The following RIGI variants were observed in gnomAD, a reference collection of about 807,000 sequenced individuals.
RIGI encodes antiviral innate immune response receptor RIG-I.
chr9:32,465,358 T>C, the RIGI span, among the ~76,000 whole-genome samples: 1 of 152,120 alleles, frequency 6.6e-6, no homozygotes, highest in Non-Finnish European at 1.5e-5. Context: ...TGGTCAATAC[T>C]TTTTGGAGCA....
the RIGI span, chr9:32,480,454 C>T: frequency 8.2e-7 from 1 of 1,221,516 alleles, no homozygotes; most frequent in South Asian, 2.2e-5. Flanking sequence ...TTTAAGAAAA[C>T]TTTTCTTTTC....
chr9:32,477,023 G>T, the RIGI span: 1 of 1,614,100 alleles, frequency 6.2e-7, no homozygotes, highest in Non-Finnish European at 8.5e-7. Context: ...AATTGTTATT[G>T]TCTCTGGGTT....
chr9:32,456,933 A>G, the RIGI span: 1 of 563,172 alleles, frequency 1.8e-6, no homozygotes, highest in Non-Finnish European at 3.1e-6. Flanking sequence ...CTGTTGGCCT[A>G]CAAAATACTC....
the RIGI span, among the ~76,000 whole-genome samples, chr9:32,476,646 CTTTTTT>C: frequency 7.2e-6 from 1 of 138,634 alleles, no homozygotes; most frequent in Non-Finnish European, 1.6e-5. Flanking sequence ...GAGAAAACGG[CTTTTTT>C]TTTTTTTTTA....
the RIGI span, chr9:32,481,502 TAAA>T: frequency 2.5e-4 from 343 of 1,345,268 alleles, no homozygotes; most frequent in African/African-American, 1.1e-3. Context: ...AGTTTTCTGT[TAAA>T]AAAAAAAAAA....
the RIGI span, chr9:32,480,355 C>A: frequency 6.3e-7 from 1 of 1,580,576 alleles, no homozygotes; most frequent in South Asian, 1.1e-5. Context: ...CATTATATTT[C>A]TGTTGAAAGT....
the RIGI span, among the ~76,000 whole-genome samples, chr9:32,512,777 A>G: frequency 6.6e-6 from 1 of 152,176 alleles, no homozygotes; most frequent in Non-Finnish European, 1.5e-5. Context: ...AGAAAGTCCA[A>G]TTGTCCCTGT....
At chr9:32,478,041 G>GTTTTTTTTTTTTTTT in the RIGI span, among the ~76,000 whole-genome samples, 1 of 151,364 alleles carries the variant, frequency 6.6e-6, no homozygotes, top group African/African-American at 2.5e-5. Context: ...TGTTTTATCG[G>GTTTTTTTTTTTTTTT]TTTTTGTTTT....
At chr9:32,502,271 T>G in the RIGI span, among the ~76,000 whole-genome samples, 20,296 of 152,264 alleles carry the variant, frequency 0.13, 1,418 homozygotes, top group Middle Eastern at 0.29. Context: ...GGGCATTTGA[T>G]TTGTGTCCAC....
the RIGI span, among the ~76,000 whole-genome samples, chr9:32,505,902 C>T: frequency 1.8e-4 from 28 of 152,228 alleles, no homozygotes; most frequent in Non-Finnish European, 3.2e-4. Context: ...AGTATAATTC[C>T]TCAGTTTAAC....
chr9:32,500,897 G>A, the RIGI span: 8 of 1,613,968 alleles, frequency 5.0e-6, no homozygotes, highest in Non-Finnish European at 5.9e-6. Context: ...AGCCTCCATT[G>A]GGCCCTTGTT....
At chr9:32,475,955 A>G in the RIGI span, among the ~76,000 whole-genome samples, 46 of 152,202 alleles carry the variant, frequency 3.0e-4, no homozygotes, top group Middle Eastern at 3.4e-3. Context: ...CTATAAAAAG[A>G]ATTCTCAAAA....
chr9:32,483,372 C>T, the RIGI span, among the ~76,000 whole-genome samples: 3 of 152,100 alleles, frequency 2.0e-5, no homozygotes, highest in African/African-American at 7.2e-5. Context: ...CTGATTGAAC[C>T]TGGGTAGGTG....
chr9:32,457,419 C>A, the RIGI span: 1 of 1,611,110 alleles, frequency 6.2e-7, no homozygotes, highest in Non-Finnish European at 8.5e-7. Context: ...AATGGCATTC[C>A]TACAGATGAA....
At chr9:32,506,864 T>A in the RIGI span, among the ~76,000 whole-genome samples, 6 of 152,234 alleles carry the variant, frequency 3.9e-5, no homozygotes, top group Non-Finnish European at 5.9e-5. Context: ...TTCATAAGTG[T>A]TCATTCTTTT....
chr9:32,495,140 C>A, the RIGI span, among the ~76,000 whole-genome samples: 3 of 152,174 alleles, frequency 2.0e-5, no homozygotes, highest in Non-Finnish European at 4.4e-5. Context: ...TACAATCCTA[C>A]CAATCAGGCA....
chr9:32,524,093 T>TC, the RIGI span, among the ~76,000 whole-genome samples: 1 of 152,164 alleles, frequency 6.6e-6, no homozygotes, highest in African/African-American at 2.4e-5. Context: ...CTTTGGACTC[T>TC]AGTAGACATC....
chr9:32,460,575 C>G, the RIGI span, among the ~76,000 whole-genome samples: 1 of 151,986 alleles, frequency 6.6e-6, no homozygotes, highest in Non-Finnish European at 1.5e-5. Context: ...ATTATAAATA[C>G]TTTTGAAACA....
At chr9:32,487,869 G>A in the RIGI span, 3 of 1,508,634 alleles carry the variant, frequency 2.0e-6, no homozygotes, top group Non-Finnish European at 2.7e-6. Context: ...CATCTTCAGT[G>A]TGGCCATAAG....
Sources: gnomAD v4.1 joint callset for allele counts (sites outside exome capture counted in the v4.1 genomes callset) on GRCh38, gnomAD v4.1.1 for gene constraint, MANE v1.5 for transcripts, NCBI Gene and HGNC (gene_info 2026-07-23, HGNC 2026-07-21) for gene names.